The following SAMD4A variants were observed in gnomAD, a reference collection of about 807,000 sequenced individuals.
SAMD4A encodes sterile alpha motif domain containing 4A, also known as protein Smaug homolog 1.
A neutral mutation model predicts 81.3 loss-of-function variants in SAMD4A; 33 were observed. The observed-to-expected ratio is 0.41, with a 90% CI of 0.31 to 0.54. The LOEUF is 0.54. SAMD4A is among the 20% of genes least tolerant of loss of function. The pLI is 0.37. For missense variants in SAMD4A, 854 were observed against 951.1 expected (o/e 0.90, Z 1.34); for synonymous variants, 389 against 382.1 (o/e 1.02, Z -0.21).
At chr14:54,625,585 T>A (rs1998671) in intron 2 of SAMD4A, among the ~76,000 whole-genome samples, 19,936 of 152,272 alleles carry the variant, frequency 0.13, 1,456 homozygotes, top group Middle Eastern at 0.21. Context: ...TTACAAAATG[T>A]AATGTTAAAT....
intron 2 of SAMD4A, among the ~76,000 whole-genome samples, chr14:54,623,314 C>T (rs758620713): frequency 6.6e-5 from 10 of 152,044 alleles, no homozygotes; most frequent in Non-Finnish European, 1.3e-4. Context: ...TCAATAGGGC[C>T]TCAGTGTAAT....
intron 6 of SAMD4A, among the ~76,000 whole-genome samples, chr14:54,759,753 G>C (rs765879700): frequency 6.6e-6 from 1 of 152,132 alleles, no homozygotes; most frequent in Non-Finnish European, 1.5e-5. Flanking sequence ...GTGTGAACAA[G>C]CTATTTCATC....
At chr14:54,586,047 T>C (rs1594696377) in intron 2 of SAMD4A, among the ~76,000 whole-genome samples, 1 of 152,164 alleles carries the variant, frequency 6.6e-6, no homozygotes, top group Non-Finnish European at 1.5e-5. Flanking sequence ...TAGTTTACAT[T>C]CCCACCGACA....
At chr14:54,767,939 G>A (rs553704672) in intron 8 of SAMD4A, among the ~76,000 whole-genome samples, 13 of 152,206 alleles carry the variant, frequency 8.5e-5, no homozygotes, top group African/African-American at 1.4e-4. Context: ...AAAGGAGCCC[G>A]CTGCCCATTG....
At chr14:54,772,442 GGAGA>G (rs1421726017) in intron 9 of SAMD4A, among the ~76,000 whole-genome samples, 2 of 152,118 alleles carry the variant, frequency 1.3e-5, no homozygotes, top group East Asian at 1.9e-4. Flanking sequence ...GGTCCCATCA[GGAGA>G]GAGAAAGATG....
At chr14:54,692,766 C>T (rs1295726671) in intron 2 of SAMD4A, among the ~76,000 whole-genome samples, 2 of 151,562 alleles carry the variant, frequency 1.3e-5, no homozygotes, top group Non-Finnish European at 2.9e-5. Context: ...GTGTGGTTTA[C>T]AAGAATGTGT....
intron 9 of SAMD4A, among the ~76,000 whole-genome samples, chr14:54,773,094 T>C (rs931825924): frequency 1.3e-5 from 2 of 152,228 alleles, no homozygotes; most frequent in Non-Finnish European, 2.9e-5. Flanking sequence ...GACCAGAATC[T>C]AGAACTCCTT....
chr14:54,784,403 C>A (rs1211890297), intron 11 of SAMD4A, 134 bp from the exon 12 acceptor site: 1 of 1,591,374 alleles, frequency 6.3e-7, no homozygotes, highest in East Asian at 2.3e-5. Context: ...CTGAGTGGAG[C>A]CCCTTCCATG....
chr14:54,761,743 C>T (rs960102168), intron 7 of SAMD4A, among the ~76,000 whole-genome samples: 2 of 152,220 alleles, frequency 1.3e-5, no homozygotes, highest in South Asian at 4.1e-4. Context: ...ATTCCCTTCA[C>T]CTGGGTCATG....
intron 2 of SAMD4A, among the ~76,000 whole-genome samples, chr14:54,575,675 G>A (rs749939276): frequency 6.6e-6 from 1 of 152,194 alleles, no homozygotes; most frequent in Non-Finnish European, 1.5e-5. Context: ...GAGTATGCTA[G>A]TAGTGCAGGT....
chr14:54,603,737 C>T (rs960607657), intron 2 of SAMD4A, among the ~76,000 whole-genome samples: 2 of 150,084 alleles, frequency 1.3e-5, no homozygotes, highest in Non-Finnish European at 3.0e-5. Context: ...CATTCAGCAT[C>T]CTAGAAGGCC....
At chr14:54,639,821 C>G (rs2035129160) in intron 2 of SAMD4A, among the ~76,000 whole-genome samples, 1 of 151,790 alleles carries the variant, frequency 6.6e-6, no homozygotes, top group African/African-American at 2.4e-5. Flanking sequence ...CACACACACA[C>G]ACACACGTAC....
Position 54,788,958 on chromosome 14 carries a change from G to C in SAMD4A, c.*14G>C, listed in dbSNP as rs2039210933. On this transcript the variant is annotated 3_prime_UTR_variant, in exon 13 of 13. Coordinates refer to ENST00000554335, the MANE Select transcript of SAMD4A (RefSeq NM_015589.6). ...TCCACCATCTAGAAGCTGAAGACGA[G>C]AGTGACCGCGCTGGCCGTGAAATCG... 1 of 1,614,064 alleles carries C rather than the reference G, an allele frequency of 6.2e-7. No individual in the cohort carries two copies. The highest frequency in any genetic ancestry group is 8.5e-7 in the Non-Finnish European group (1 of 1,179,922).
Position 54,791,507 on chromosome 14 carries a change from A to G in SAMD4A, c.*2563A>G, listed in dbSNP as rs1249662544. The G allele has an allele frequency of 6.6e-6, 1 of 152,220 alleles. No individual in the cohort carries two copies. Among genetic ancestry groups the G allele is most frequent in the East Asian group, 1.9e-4 (1 of 5,200 alleles). The allele number at this position is 152,220 out of a possible 1,614,324, so 9.4% of individuals were successfully genotyped here. ...CTGATTATTAGAGATATTATTTTGGATATGTTACTTATTAACTTGCTATGG... is the reference window on the plus strand; with the variant it reads ...CTGATTATTAGAGATATTATTTTGGGTATGTTACTTATTAACTTGCTATGG... On this transcript the variant is annotated 3_prime_UTR_variant, in exon 13 of 13. Coordinates refer to ENST00000554335, the MANE Select transcript of SAMD4A (RefSeq NM_015589.6).
intron 2 of SAMD4A, among the ~76,000 whole-genome samples, chr14:54,607,563 C>T (rs1305283260): frequency 6.6e-6 from 1 of 151,310 alleles, no homozygotes; most frequent in South Asian, 2.1e-4. Flanking sequence ...TCATGCCATT[C>T]TCCTGCCTCA....
At chr14:54,753,840 G>A (rs189041172) in intron 6 of SAMD4A, among the ~76,000 whole-genome samples, 3 of 152,132 alleles carry the variant, frequency 2.0e-5, no homozygotes, top group African/African-American at 7.2e-5. Context: ...TTTATTTGTT[G>A]TTGTTTTTAA....
chr14:54,591,079 G>T (rs1244842859), intron 2 of SAMD4A, among the ~76,000 whole-genome samples: 1 of 152,254 alleles, frequency 6.6e-6, no homozygotes, highest in East Asian at 1.9e-4. Flanking sequence ...TGAATGAGGG[G>T]CTATTTTTCT....
At chr14:54,762,469 C>A (rs1036209878) in intron 7 of SAMD4A, among the ~76,000 whole-genome samples, 1 of 152,150 alleles carries the variant, frequency 6.6e-6, no homozygotes, top group Admixed American at 6.5e-5. Flanking sequence ...TCACAGCTTC[C>A]CTTGGAGCTT....
At chr14:54,759,249 A>T (rs2038327052) in intron 6 of SAMD4A, among the ~76,000 whole-genome samples, 1 of 152,082 alleles carries the variant, frequency 6.6e-6, no homozygotes, top group Non-Finnish European at 1.5e-5. Flanking sequence ...CCCATCTTAG[A>T]CTAGATTTCA....
Sources: gnomAD v4.1 joint callset for allele counts (sites outside exome capture counted in the v4.1 genomes callset) on GRCh38, gnomAD v4.1.1 for gene constraint, MANE v1.5 for transcripts, NCBI Gene and HGNC (gene_info 2026-07-23, HGNC 2026-07-21) for gene names.